Variants in FREM2 observed in about 807,000 individuals in gnomAD.
The protein encoded by FREM2 is FRAS1-related extracellular matrix protein 2.
Under a neutral mutation model 219.9 loss-of-function variants are expected in FREM2, and 119 were observed. The ratio of observed to expected loss-of-function variants is 0.54; its 90% CI spans 0.47 to 0.63. FREM2 has a LOEUF of 0.63. FREM2 is among the 30% of genes least tolerant of loss of function. FREM2 has a pLI of 0.00. For missense variants in FREM2, 4,030 were observed against 3,993.6 expected, an observed-to-expected ratio of 1.01 and a Z score of -0.25; for synonymous variants, 1,562 against 1,522.8, an observed-to-expected ratio of 1.03 and a Z score of -0.60.
intron 2 of FREM2, among the ~76,000 whole-genome samples, chr13:38,738,501 G>A (rs1203064584): frequency 6.8e-6 from 1 of 146,986 alleles, no homozygotes; most frequent in Non-Finnish European, 1.5e-5. Flanking sequence ...GGCAGGTGGA[G>A]GTTGCAGTGA....
chr13:38,741,093 A>G (rs191897450), intron 2 of FREM2, among the ~76,000 whole-genome samples: 2 of 152,346 alleles, frequency 1.3e-5, no homozygotes, highest in East Asian at 1.9e-4. Flanking sequence ...GTTACAATGT[A>G]GGAAACTAAG....
intron 2 of FREM2, among the ~76,000 whole-genome samples, chr13:38,721,025 G>A (rs1221837091): frequency 2.0e-5 from 3 of 152,134 alleles, no homozygotes; most frequent in Admixed American, 6.5e-5. Context: ...GGGGGAGGGA[G>A]CATCAGGAAA....
intron 6 of FREM2, among the ~76,000 whole-genome samples, chr13:38,796,220 T>C (rs1380129069): frequency 6.6e-6 from 1 of 152,132 alleles, no homozygotes; most frequent in African/African-American, 2.4e-5. Context: ...TAGGATACCC[T>C]ATGAGATCCT....
intron 6 of FREM2, among the ~76,000 whole-genome samples, chr13:38,789,513 A>C (rs529591009): frequency 2.0e-4 from 30 of 149,162 alleles, no homozygotes; most frequent in Non-Finnish European, 4.0e-4. Flanking sequence ...TGTATATTTT[A>C]TTCAAGTTTT....
chr13:38,879,952 G>A (rs1354955790), intron 23 of FREM2, among the ~76,000 whole-genome samples: 1 of 152,102 alleles, frequency 6.6e-6, no homozygotes, highest in African/African-American at 2.4e-5. Context: ...GAGTAACATT[G>A]GGCAACTCAC....
At chr13:38,695,438 G>T (rs1593348388) in intron 1 of FREM2, among the ~76,000 whole-genome samples, 1 of 152,120 alleles carries the variant, frequency 6.6e-6, no homozygotes, top group African/African-American at 2.4e-5. Flanking sequence ...TCTGAAAAAA[G>T]AAAAGTTCTT....
chr13:38,735,699 A>G (rs1002328341), intron 2 of FREM2, among the ~76,000 whole-genome samples: 1 of 152,216 alleles, frequency 6.6e-6, no homozygotes, highest in Non-Finnish European at 1.5e-5. Flanking sequence ...TTACTCCTAA[A>G]ACAGAGTGGC....
chr13:38,789,212 A>T (rs985767215), intron 6 of FREM2, among the ~76,000 whole-genome samples: 1 of 151,904 alleles, frequency 6.6e-6, no homozygotes, highest in Admixed American at 6.6e-5. Context: ...GGTTTGGTAA[A>T]ATTATAAATC....
Position 38,861,420 on chromosome 13 carries a change from T to TTC in FREM2, c.7520-10_7520-9insCT, listed in dbSNP as rs1399473815. The TTC allele has an allele frequency of 0.02, 32,380 of 1,613,368 alleles. 454 individuals are homozygous for TTC. The highest frequency in any genetic ancestry group is 0.057 in the Middle Eastern group (344 of 6,062). ...TCTTTTCGCATAAATATGGTCTTTTTTTTTTTCAAGGTCTTTGTCAGCCCC... is the reference window on the plus strand; with the variant it reads ...TCTTTTCGCATAAATATGGTCTTTTTTCTTTTTTCAAGGTCTTTGTCAGCCCC... On this transcript the variant is annotated splice_polypyrimidine_tract_variant and intron_variant, in intron 14 of 23. Transcript: ENST00000280481.
At chr13:38,871,071 C>T (rs562965044) in intron 16 of FREM2, among the ~76,000 whole-genome samples, 96 of 152,256 alleles carry the variant, frequency 6.3e-4, no homozygotes, top group Admixed American at 2.4e-3. Flanking sequence ...AACAGCCGCC[C>T]ATAGAAACTA....
chr13:38,731,541 AC>A (rs1284966663), intron 2 of FREM2, among the ~76,000 whole-genome samples: 1 of 152,228 alleles, frequency 6.6e-6, no homozygotes, highest in African/African-American at 2.4e-5. Flanking sequence ...ACCACGCCGG[AC>A]ATGAAAACAA....
chr13:38,687,624 G>GACCTGC lies in FREM2; in HGVS notation c.285_286insCACCTG (p.Leu95_Val96insHisLeu). 6.2e-7 allele frequency: 1 copy of GACCTGC among 1,609,848 alleles called. No individual in the cohort carries two copies. The highest frequency in any genetic ancestry group is 8.5e-7 in the Non-Finnish European group (1 of 1,178,262). The stretch of plus-strand genomic sequence containing the variant: ...TGAAGTCTGGCTGGATCCCCTGCAT[G>GACCTGC]ACCTGGTGTTGCAGGTGCAGCCCGG... On this transcript the variant is annotated inframe_insertion, in exon 1 of 24. Transcript: ENST00000280481.
chr13:38,701,063 G>A (rs999650662), intron 2 of FREM2, among the ~76,000 whole-genome samples: 1 of 151,948 alleles, frequency 6.6e-6, no homozygotes, highest in African/African-American at 2.4e-5. Context: ...TGTCAAGGGG[G>A]GTTGTTGTGC....
At chr13:38,777,472 A>G (rs1164392098) in intron 4 of FREM2, among the ~76,000 whole-genome samples, 1 of 152,146 alleles carries the variant, frequency 6.6e-6, no homozygotes, top group South Asian at 2.1e-4. Flanking sequence ...CCACCTACCA[A>G]CCTAACTTTC....
chr13:38,764,203 TATTG>T, intron 2 of FREM2, 97 bp from the exon 3 acceptor site: 2 of 825,914 alleles, frequency 2.4e-6, no homozygotes, highest in Non-Finnish European at 4.2e-6. Context: ...TAAGTAGCTG[TATTG>T]ATTGTTAATG....
At chr13:38,787,318 C>G (rs1244968926) in intron 6 of FREM2, among the ~76,000 whole-genome samples, 1 of 152,178 alleles carries the variant, frequency 6.6e-6, no homozygotes, top group African/African-American at 2.4e-5. Context: ...TCTGTTTTCT[C>G]CCATCTGTCA....
rs145850710 is a variant in FREM2, at chr13:38,733,778, G to A, written c.5264-30526G>A. Among the ~76,000 whole-genome samples, 601 of 152,206 alleles carry A rather than the reference G, an allele frequency of 3.9e-3. 3 individuals are homozygous for A. The highest frequency in any genetic ancestry group is 0.014 in the African/African-American group (578 of 41,524). On this transcript the variant is annotated intron_variant, in intron 2 of 23. Coordinates refer to ENST00000280481, the MANE Select transcript of FREM2 (RefSeq NM_207361.6). ...TTGCCTTGGCCTCCCAAAGTGCTAGGATTATAGTCATGAGCCTCCACATCC... is the reference window on the plus strand; with the variant it reads ...TTGCCTTGGCCTCCCAAAGTGCTAGAATTATAGTCATGAGCCTCCACATCC...
At chr13:38,753,995 T>TTTATTTTATTTTATTTTATTTTATTTTA in intron 2 of FREM2, among the ~76,000 whole-genome samples, 1 of 152,018 alleles carries the variant, frequency 6.6e-6, no homozygotes, top group African/African-American at 2.4e-5. Context: ...TTTATTTTAT[T>TTTATTTTATTTTATTTTATTTTATTTTA]TTTGAATGGA....
intron 2 of FREM2, among the ~76,000 whole-genome samples, chr13:38,752,887 T>C (rs892150653): frequency 6.6e-6 from 1 of 152,188 alleles, no homozygotes; most frequent in Non-Finnish European, 1.5e-5. Flanking sequence ...TTCCTTTAGC[T>C]CAGAGTCTCC....
Sources: gnomAD v4.1 joint callset for allele counts (sites outside exome capture counted in the v4.1 genomes callset) on GRCh38, gnomAD v4.1.1 for gene constraint, MANE v1.5 for transcripts, NCBI Gene and HGNC (gene_info 2026-07-23, HGNC 2026-07-21) for gene names.